PLA2G4A: variants seen among roughly 807,000 people sequenced by gnomAD.
The protein encoded by PLA2G4A is cytosolic phospholipase A2.
In PLA2G4A, 40 loss-of-function variants were observed where a neutral mutation model predicts 81.9. The observed-to-expected ratio is 0.49, with a 90% confidence interval of 0.38 to 0.64. PLA2G4A has a LOEUF of 0.64. PLA2G4A is among the 30% of genes least tolerant of loss of function. PLA2G4A has a pLI of 0.00. For synonymous variants in PLA2G4A, 302 were observed against 296.9 expected, an observed-to-expected ratio of 1.02 and a Z score of -0.18; for missense variants, 715 against 905.1, an observed-to-expected ratio of 0.79 and a Z score of 2.69.
intron 3 of PLA2G4A, among the ~76,000 whole-genome samples, chr1:186,882,242 C>A (rs989381545): frequency 1.9e-4 from 29 of 151,952 alleles, no homozygotes; most frequent in African/African-American, 7.0e-4. Flanking sequence ...CAGTTTCACC[C>A]AATAGGAAAA....
chr1:186,856,492 C>T (rs944466846), intron 2 of PLA2G4A, among the ~76,000 whole-genome samples: 1 of 151,364 alleles, frequency 6.6e-6, no homozygotes, highest in African/African-American at 2.4e-5. Context: ...CGGGTTCAAG[C>T]AATTCGCGTG....
chr1:186,923,513 G>A (rs1419858355), intron 7 of PLA2G4A, among the ~76,000 whole-genome samples: 2 of 152,194 alleles, frequency 1.3e-5, no homozygotes, highest in African/African-American at 2.4e-5. Context: ...TAGCCCTGAG[G>A]AGTTACCTTC....
chr1:186,895,957 T>C (rs1011675459), intron 5 of PLA2G4A, among the ~76,000 whole-genome samples: 1 of 151,838 alleles, frequency 6.6e-6, no homozygotes, highest in Non-Finnish European at 1.5e-5. Flanking sequence ...AGCAAGTTAA[T>C]TTTATTTATG....
intron 3 of PLA2G4A, among the ~76,000 whole-genome samples, chr1:186,876,718 G>C (rs918341442): frequency 1.3e-5 from 2 of 152,072 alleles, no homozygotes; most frequent in Non-Finnish European, 2.9e-5. Flanking sequence ...GCTGTTCTCC[G>C]GGTGATGGTG....
rs576821071 is a variant in PLA2G4A, at chr1:186,862,614, G to A, written c.34-7821G>A. Among the ~76,000 whole-genome samples the A allele has an allele frequency of 2.0e-5, 3 of 152,226 alleles. No individual in the cohort carries two copies. In the East Asian group the frequency reaches 5.8e-4, roughly 29 times the overall value. ...AAAATATCTAAAATAGTATTTGTTA[G>A]CATATCCATATTTTCAAGTGTATTG... On this transcript the variant is annotated intron_variant, in intron 2 of 17. Coordinates refer to ENST00000367466, the MANE Select transcript of PLA2G4A (RefSeq NM_024420.3).
At chr1:186,910,098 C>T (rs1217409972) in intron 6 of PLA2G4A, among the ~76,000 whole-genome samples, 3 of 151,970 alleles carry the variant, frequency 2.0e-5, no homozygotes, top group African/African-American at 7.3e-5. Context: ...ATTAATTCTG[C>T]TTTCTCTTTT....
At chr1:186,852,604 A>C (rs1652414019) in intron 1 of PLA2G4A, among the ~76,000 whole-genome samples, 1 of 151,964 alleles carries the variant, frequency 6.6e-6, no homozygotes, top group African/African-American at 2.4e-5. Context: ...GCTGTATCTA[A>C]AATATGGCAG....
intron 17 of PLA2G4A, among the ~76,000 whole-genome samples, chr1:186,983,773 G>T (rs1371680069): frequency 6.6e-6 from 1 of 151,948 alleles, no homozygotes; most frequent in Non-Finnish European, 1.5e-5. Context: ...GGGGTGGGAT[G>T]CAGAGGCATT....
chr1:186,910,897 G>C (rs1438956232), intron 6 of PLA2G4A, among the ~76,000 whole-genome samples: 1 of 152,268 alleles, frequency 6.6e-6, no homozygotes, highest in Non-Finnish European at 1.5e-5. Flanking sequence ...AGGAATTCTT[G>C]GTCAAGTAAG....
chr1:186,830,434 C>T (rs547208912), intron 1 of PLA2G4A, among the ~76,000 whole-genome samples: 1 of 151,394 alleles, frequency 6.6e-6, no homozygotes, highest in Non-Finnish European at 1.5e-5. Flanking sequence ...GTGGTGAAAC[C>T]CCATCTCTAC....
At chr1:186,924,364 G>T (rs1655469628) in intron 7 of PLA2G4A, among the ~76,000 whole-genome samples, 1 of 152,118 alleles carries the variant, frequency 6.6e-6, no homozygotes, top group Non-Finnish European at 1.5e-5. Context: ...ACAGGATCTT[G>T]TTCTTGCCCT....
At chr1:186,978,044 A>G (rs918303305) in intron 16 of PLA2G4A, among the ~76,000 whole-genome samples, 2 of 152,206 alleles carry the variant, frequency 1.3e-5, no homozygotes, top group Non-Finnish European at 2.9e-5. Flanking sequence ...ACTTTACTTC[A>G]ATACTTTGAA....
In PLA2G4A at chr1:186,938,530, G is replaced by T. The variant is rs115458222; in HGVS notation, c.696-478G>T. Among the ~76,000 whole-genome samples the T allele has an allele frequency of 6.2e-3, 939 of 152,178 alleles. 16 individuals carry two copies. Among genetic ancestry groups the T allele is most frequent in the African/African-American group, 0.022 (911 of 41,530 alleles). ...CCAATGGATAATTAAGGAGAAAAAA[G>T]GATTTTTCAAGGGAATTAGGAATTT... On this transcript the variant is annotated intron_variant, in intron 8 of 17. Transcript: ENST00000367466.
At chr1:186,976,880 A>G in intron 15 of PLA2G4A, among the ~76,000 whole-genome samples, 1 of 152,190 alleles carries the variant, frequency 6.6e-6, no homozygotes, top group East Asian at 1.9e-4. Flanking sequence ...CAGCAGTCAT[A>G]AATCACCCGT....
At chr1:186,937,851 T>C (rs1656010104) in intron 8 of PLA2G4A, among the ~76,000 whole-genome samples, 1 of 151,976 alleles carries the variant, frequency 6.6e-6, no homozygotes, top group Non-Finnish European at 1.5e-5. Context: ...ATAATTAAAA[T>C]AGAATATTTG....
chr1:186,893,425 A>T (rs193064263), intron 4 of PLA2G4A, among the ~76,000 whole-genome samples: 278 of 152,340 alleles, frequency 1.8e-3, no homozygotes, highest in Non-Finnish European at 2.8e-3. Flanking sequence ...AGAGAATCCC[A>T]GTATAACAGA....
At chr1:186,982,684 C>CGTGT (rs944149124) in intron 17 of PLA2G4A, among the ~76,000 whole-genome samples, 24 of 35,062 alleles carry the variant, frequency 6.8e-4, no homozygotes, top group Non-Finnish European at 1.2e-3. Flanking sequence ...TGTGTGTGTG[C>CGTGT]GTGTGTGTGT....
chr1:186,855,705 C>T (rs1468904979), intron 2 of PLA2G4A, among the ~76,000 whole-genome samples: 2 of 151,970 alleles, frequency 1.3e-5, no homozygotes, highest in African/African-American at 2.4e-5. Flanking sequence ...TTTTACATTG[C>T]CTTGTGGTTT....
intron 15 of PLA2G4A, among the ~76,000 whole-genome samples, chr1:186,975,485 C>T (rs1361728354): frequency 6.6e-6 from 1 of 152,130 alleles, no homozygotes; most frequent in African/African-American, 2.4e-5. Context: ...TGATAAAGTA[C>T]TTGTTTTCTT....
Sources: allele counts gnomAD v4.1 joint callset (sites outside exome capture counted in the v4.1 genomes callset), GRCh38; gene constraint gnomAD v4.1.1; transcripts MANE v1.5; gene names NCBI Gene and HGNC (gene_info 2026-07-23, HGNC 2026-07-21).